The following CCNH variants were observed in gnomAD, a reference collection of about 807,000 sequenced individuals.
CCNH encodes cyclin H.
In CCNH, 31 loss-of-function variants were observed where a neutral mutation model predicts 41.9. The ratio of observed to expected loss-of-function variants is 0.74; its 90% confidence interval spans 0.56 to 1.00. The LOEUF (loss-of-function observed/expected upper bound fraction) is 1.00, where lower values mean the gene tolerates loss of function less well. Ranked by LOEUF, CCNH falls within the 50% of genes least tolerant of loss-of-function variation. The probability of loss-of-function intolerance (pLI) is 0.00; values close to 1 mark genes in which losing one functional copy is unlikely to be tolerated. For missense variants in CCNH, 362 were observed against 388.4 expected (o/e 0.93, Z 0.57); for synonymous variants, 138 against 136.1 (o/e 1.01, Z -0.10).
At chr5:87,354,724 A>G (rs977353141) in intron 9 of CCNH, among the ~76,000 whole-genome samples, 3 of 152,190 alleles carry the variant, frequency 2.0e-5, no homozygotes, top group East Asian at 1.9e-4. Context: ...GTGAAAGCCA[A>G]AATAGGCTGA....
chr5:87,331,286 G>A (rs1021849502), intron 9 of CCNH: 1 of 1,487,994 alleles, frequency 6.7e-7, no homozygotes, highest in Non-Finnish European at 9.4e-7. Flanking sequence ...TGTTTTTCAA[G>A]TGTCCATAGA....
At chr5:87,338,536 A>ATATATATATTTTTTTTTTT in intron 9 of CCNH, among the ~76,000 whole-genome samples, 3 of 85,216 alleles carry the variant, frequency 3.5e-5, no homozygotes, top group African/African-American at 8.9e-5. Flanking sequence ...TATATATAAA[A>ATATATATATTTTTTTTTTT]TTTTTTTTTT....
intron 9 of CCNH, among the ~76,000 whole-genome samples, chr5:87,342,695 T>C (rs1213086646): frequency 6.6e-6 from 1 of 152,170 alleles, no homozygotes; most frequent in Non-Finnish European, 1.5e-5. Flanking sequence ...TAGGGAAAAC[T>C]GTGGGAAGTA....
At chr5:87,324,259 T>G (rs1757044557) in intron 9 of CCNH, among the ~76,000 whole-genome samples, 1 of 152,220 alleles carries the variant, frequency 6.6e-6, no homozygotes, top group Non-Finnish European at 1.5e-5. Context: ...ACTAGCCTCC[T>G]GCTAGTAGGT....
At chr5:87,376,786 A>G (rs1326012701) in exon 1 of CCNH, 3 of 1,341,474 alleles carry the variant, frequency 2.2e-6, no homozygotes, top group East Asian at 2.3e-5. Flanking sequence ...CATTTTAAAT[A>G]TAAGAACTTG....
intron 9 of CCNH, among the ~76,000 whole-genome samples, chr5:87,327,538 T>C (rs1414001509): frequency 4.6e-5 from 7 of 152,176 alleles, no homozygotes; most frequent in Non-Finnish European, 1.0e-4. Flanking sequence ...GATTGGAGGT[T>C]TCTTGGGTTT....
At chr5:87,377,135 A>G (rs1356097736) in exon 1 of CCNH, 1 of 1,441,218 alleles carries the variant, frequency 6.9e-7, no homozygotes, top group East Asian at 2.3e-5. Flanking sequence ...CTAAATTGTT[A>G]AATTATATTG....
intron 9 of CCNH, among the ~76,000 whole-genome samples, chr5:87,329,664 T>C (rs1328968282): frequency 6.6e-6 from 1 of 152,138 alleles, no homozygotes; most frequent in Non-Finnish European, 1.5e-5. Context: ...ATAACAAGTA[T>C]ATAAAAATAG....
chr5:87,387,679 A>AC (rs1762158743), downstream of CCNH, among the ~76,000 whole-genome samples: 1 of 152,178 alleles, frequency 6.6e-6, no homozygotes, highest in Non-Finnish European at 1.5e-5. Context: ...AGTTAAAAAG[A>AC]CCACCACAAT....
intron 1 of CCNH, 45 bp from the exon 2 acceptor site, chr5:87,411,391 T>C: frequency 6.4e-7 from 1 of 1,552,398 alleles, no homozygotes; most frequent in Non-Finnish European, 8.7e-7. Context: ...ATTCAATGAA[T>C]TAAACAATTG....
downstream of CCNH, chr5:87,393,428 T>TTA (rs1762667272): frequency 6.6e-6 from 1 of 152,218 alleles, no homozygotes; most frequent in South Asian, 2.1e-4. Context: ...GTAGGCATTT[T>TTA]TATCTTCCCC....
At chr5:87,337,898 T>C in intron 9 of CCNH, 1 of 1,414,164 alleles carries the variant, frequency 7.1e-7, no homozygotes, top group East Asian at 2.6e-5. Context: ...CCCTATCCTA[T>C]TTTGTGGTAT....
intron 9 of CCNH, among the ~76,000 whole-genome samples, chr5:87,323,808 T>C (rs1378292944): frequency 1.3e-5 from 2 of 152,132 alleles, no homozygotes; most frequent in African/African-American, 4.8e-5. Flanking sequence ...TCAGTTGCCA[T>C]TCATCTTTTA....
Position 87,367,703 on chromosome 5 carries a change from C to G in CCNH, c.*90+25067G>C, listed in dbSNP as rs115991510. Among the ~76,000 whole-genome samples, 438 of 152,290 alleles carry G rather than the reference C, an allele frequency of 2.9e-3. 3 individuals are homozygous for G. Among genetic ancestry groups the G allele is most frequent in the Middle Eastern group, 0.014 (4 of 294 alleles). ...TAATTTTTACACCATCTTTTCATAG[C>G]TGGATCTCACTGTGGTATTTATTGC... On this transcript the variant is annotated intron_variant and NMD_transcript_variant, in intron 9 of 9. Transcript: ENST00000645953.
At chr5:87,381,880 T>C (rs1006526104), upstream of CCNH, among the ~76,000 whole-genome samples, 1 of 152,212 alleles carries the variant, frequency 6.6e-6, no homozygotes, top group African/African-American at 2.4e-5. Flanking sequence ...AGACCTACTA[T>C]GTATAATTAT....
intron 5 of CCNH, among the ~76,000 whole-genome samples, chr5:87,404,266 G>A (rs1178757439): frequency 6.6e-6 from 1 of 152,100 alleles, no homozygotes; most frequent in Non-Finnish European, 1.5e-5. Flanking sequence ...TGCTCTATTT[G>A]CTGCCACCTT....
Position 87,404,995 on chromosome 5 carries a change from T to C in CCNH, c.538A>G (p.Ile180Val). Reference sequence around the variant, plus strand: ...CTCAAAATCTCTGGATTCTCCAATATGGGATAGCGGGTCTACAAAGAAAGT... The same window carrying C: ...CTCAAAATCTCTGGATTCTCCAATACGGGATAGCGGGTCTACAAAGAAAGT... ...FLIDLKTRYP[I>V]LENPEILRKT... Residue 180 changes from isoleucine to valine, a missense_variant, in exon 5 of 9, where the codon ATA becomes GTA. Coordinates refer to ENST00000256897, the MANE Select transcript of CCNH (RefSeq NM_001239.4). 1.2e-6 allele frequency: 2 copies of C among 1,612,350 alleles called. No homozygotes were observed.
intron 9 of CCNH, among the ~76,000 whole-genome samples, chr5:87,358,999 C>T (rs181115300): frequency 1.3e-5 from 2 of 152,254 alleles, no homozygotes; most frequent in East Asian, 1.9e-4. Flanking sequence ...CTCAACCCTG[C>T]GGAGCACTTA....
At chr5:87,406,679 A>T (rs1375884092) in intron 4 of CCNH, among the ~76,000 whole-genome samples, 2 of 152,168 alleles carry the variant, frequency 1.3e-5, no homozygotes, top group East Asian at 3.9e-4. Flanking sequence ...TTAGTCCCAA[A>T]TTTTTTAGAT....
Sources: allele counts gnomAD v4.1 joint callset (sites outside exome capture counted in the v4.1 genomes callset), GRCh38; gene constraint gnomAD v4.1.1; transcripts MANE v1.5; gene names NCBI Gene and HGNC (gene_info 2026-07-23, HGNC 2026-07-21).